TRIM69: variants seen among roughly 807,000 people sequenced by gnomAD.
TRIM69 encodes the protein tripartite motif containing 69, also known as E3 ubiquitin-protein ligase TRIM69.
A neutral mutation model predicts 37.7 loss-of-function variants in TRIM69; 29 were observed. The observed-to-expected ratio is 0.77, with a 90% CI of 0.57 to 1.05. TRIM69 has a LOEUF of 1.05. Among genes scored for constraint, TRIM69 ranks in the 50% least tolerant of loss-of-function variants. The pLI is 0.00. For synonymous variants in TRIM69, 209 were observed against 212.4 expected (o/e 0.98, Z 0.14); for missense variants, 596 against 579.9 (o/e 1.03, Z -0.28).
intron 1 of TRIM69, among the ~76,000 whole-genome samples, chr15:44,744,350 A>C (rs2087357516): frequency 6.8e-6 from 1 of 147,262 alleles, no homozygotes; most frequent in Non-Finnish European, 1.5e-5. Context: ...AGATATACCT[A>C]ATGCTAAATG....
At chr15:44,744,547 C>G (rs1299114347) in intron 1 of TRIM69, among the ~76,000 whole-genome samples, 1 of 152,022 alleles carries the variant, frequency 6.6e-6, no homozygotes, top group Non-Finnish European at 1.5e-5. Context: ...TTTTTTAAAA[C>G]TTGAAACTAA....
chr15:44,751,503 G>A (rs2087530673), intron 1 of TRIM69, among the ~76,000 whole-genome samples: 1 of 152,016 alleles, frequency 6.6e-6, no homozygotes, highest in African/African-American at 2.4e-5. Context: ...GGGTTCAAGT[G>A]ATCCTTCTGC....
Position 44,754,894 on chromosome 15 carries a change from C to A in TRIM69, c.7-6C>A. On this transcript the variant is annotated splice_region_variant and splice_polypyrimidine_tract_variant and intron_variant, in intron 1 of 6. Transcript: ENST00000329464. ...ATAAACTCATTTTAGCTGTTCTTTT[C>A]TAAAGGTATCCACCAACCCCTCCTC... is the stretch of plus-strand genomic sequence containing the variant. 1 of 1,595,284 alleles carries A rather than the reference C, an allele frequency of 6.3e-7. No individual in the cohort carries two copies. The highest frequency in any genetic ancestry group is 8.6e-7 in the Non-Finnish European group (1 of 1,166,054).
chr15:44,755,043 C>T lies in TRIM69; in HGVS notation c.150C>T (p.Asp50=), dbSNP rs373684584. 3.5e-5 allele frequency: 57 copies of T among 1,614,096 alleles called. No individual in the cohort carries two copies. Among genetic ancestry groups the T allele is most frequent in the Non-Finnish European group, 4.7e-5 (56 of 1,180,034 alleles). The change falls in exon 2 of 7, where the codon GAC becomes GAT. Residue 50 remains aspartate, a synonymous_variant. Coordinates refer to ENST00000329464, the MANE Select transcript of TRIM69 (RefSeq NM_182985.5). ...HCPLCNDWFR[D]PLMLSCGHNF... is the part of the protein sequence containing the mutation. ...CTCTGTGCAATGATTGGTTCCGAGA[C>T]CCACTGATGCTAAGCTGTGGCCACA... is the stretch of plus-strand genomic sequence containing the variant.
intron 6 of TRIM69, among the ~76,000 whole-genome samples, chr15:44,762,527 T>C (rs2087798224): frequency 6.6e-6 from 1 of 152,154 alleles, no homozygotes; most frequent in South Asian, 2.1e-4. Context: ...TCAAGTTGTC[T>C]CATGTCATCG....
intron 6 of TRIM69, among the ~76,000 whole-genome samples, 159 bp downstream of exon 6, chr15:44,760,031 G>GT (rs1436726717): frequency 6.6e-5 from 10 of 152,132 alleles, no homozygotes; most frequent in Non-Finnish European, 1.2e-4. Context: ...ATTTCTTCTA[G>GT]TACCATGACC....
intron 6 of TRIM69, among the ~76,000 whole-genome samples, chr15:44,760,603 C>T (rs1189139335): frequency 2.0e-5 from 3 of 151,956 alleles, no homozygotes; most frequent in Non-Finnish European, 2.9e-5. Flanking sequence ...AGGTAATTGA[C>T]ATTGAAGAAA....
intron 1 of TRIM69, among the ~76,000 whole-genome samples, chr15:44,739,696 C>G (rs563117886): frequency 6.6e-6 from 1 of 152,210 alleles, no homozygotes; most frequent in South Asian, 2.1e-4. Context: ...CACCATTGCC[C>G]AGGCTTGCTT....
At chr15:44,737,859 T>C (rs1381589675) in intron 1 of TRIM69, among the ~76,000 whole-genome samples, 1 of 152,104 alleles carries the variant, frequency 6.6e-6, no homozygotes, top group Non-Finnish European at 1.5e-5. Context: ...AAGCAACAAA[T>C]GAACTCTCCT....
At chr15:44,767,134 T>C (rs2087912244) in intron 6 of TRIM69, 97 bp from the exon 7 acceptor site, 1 of 833,462 alleles carries the variant, frequency 1.2e-6, no homozygotes, top group Non-Finnish European at 1.8e-6. Flanking sequence ...TATGGGGAGA[T>C]AAAGTACTAT....
chr15:44,741,220 G>A (rs1249047359), intron 1 of TRIM69, among the ~76,000 whole-genome samples: 2 of 152,104 alleles, frequency 1.3e-5, no homozygotes, highest in Non-Finnish European at 2.9e-5. Flanking sequence ...ATGACTACTG[G>A]GTACCTAACA....
chr15:44,766,218 T>A (rs1329536913), intron 6 of TRIM69, among the ~76,000 whole-genome samples: 2 of 152,244 alleles, frequency 1.3e-5, no homozygotes, highest in African/African-American at 4.8e-5. Flanking sequence ...TCAACTGACA[T>A]AAAATTACTG....
At chr15:44,749,998 A>G (rs2087485587) in intron 1 of TRIM69, among the ~76,000 whole-genome samples, 1 of 152,166 alleles carries the variant, frequency 6.6e-6, no homozygotes, top group African/African-American at 2.4e-5. Flanking sequence ...GTATCTTTCC[A>G]TGTGCTTGTT....
chr15:44,759,327 G>A (rs745972074), intron 4 of TRIM69, among the ~76,000 whole-genome samples: 6 of 152,178 alleles, frequency 3.9e-5, no homozygotes, highest in Non-Finnish European at 8.8e-5. Flanking sequence ...GTGGCCTTGG[G>A]ACTGGGATAC....
intron 6 of TRIM69, among the ~76,000 whole-genome samples, chr15:44,761,607 G>A (rs911362634): frequency 2.0e-5 from 3 of 152,192 alleles, no homozygotes; most frequent in African/African-American, 7.2e-5. Flanking sequence ...TGGAATTACA[G>A]GCGCGCACTG....
At chr15:44,746,288 G>A (rs2087405409) in intron 1 of TRIM69, among the ~76,000 whole-genome samples, 1 of 152,064 alleles carries the variant, frequency 6.6e-6, no homozygotes, top group Non-Finnish European at 1.5e-5. Flanking sequence ...AAGAATTTAA[G>A]ACATTCTCAG....
At chr15:44,764,342 A>G (rs1287393494) in intron 6 of TRIM69, among the ~76,000 whole-genome samples, 2 of 152,212 alleles carry the variant, frequency 1.3e-5, no homozygotes, top group East Asian at 1.9e-4. Context: ...CTCTCCCTCT[A>G]TACAGAGTGG....
intron 1 of TRIM69, among the ~76,000 whole-genome samples, chr15:44,751,308 G>T (rs887744108): frequency 6.6e-6 from 1 of 152,004 alleles, no homozygotes; most frequent in Non-Finnish European, 1.5e-5. Flanking sequence ...TAGAGATGGG[G>T]TTTCACCACA....
chr15:44,759,470 T>A (rs1486482800), intron 4 of TRIM69, among the ~76,000 whole-genome samples, 170 bp from the exon 5 acceptor site: 2 of 152,308 alleles, frequency 1.3e-5, no homozygotes, highest in East Asian at 3.9e-4. Context: ...CAATTTAACC[T>A]GGGTTAGGAT....
Sources: gnomAD v4.1 joint callset for allele counts (sites outside exome capture counted in the v4.1 genomes callset) on GRCh38, gnomAD v4.1.1 for gene constraint, MANE v1.5 for transcripts, NCBI Gene and HGNC (gene_info 2026-07-23, HGNC 2026-07-21) for gene names.